Variants in MYH9 observed in about 807,000 individuals in gnomAD.
MYH9 encodes myosin-9.
MYH9 carries 29 observed loss-of-function variants against 241.9 expected under a neutral mutation model. The ratio of observed to expected loss-of-function variants is 0.12; its 90% CI spans 0.09 to 0.16. MYH9 has a LOEUF of 0.16. MYH9 is among the 10% of genes least tolerant of loss of function. The pLI is 1.00. For missense variants in MYH9, 1,803 were observed against 2,595.5 expected, an observed-to-expected ratio of 0.69 and a Z score of 6.63; for synonymous variants, 1,047 against 1,062.6, an observed-to-expected ratio of 0.99 and a Z score of 0.29.
chr22:36,324,144 C>A (rs1326298298), intron 5 of MYH9, among the ~76,000 whole-genome samples: 1 of 152,242 alleles, frequency 6.6e-6, no homozygotes, highest in Non-Finnish European at 1.5e-5. Context: ...CGAACTGAGG[C>A]CTCTGTTTGG....
chr22:36,300,330 A>G lies in MYH9; in HGVS notation c.2839-66T>C. ...AGGCATGGCCAAGGTGAAGGCAGCA[A>G]GGTCCGAAGGCCAGATCCAAACGCC... On this transcript the variant is annotated intron_variant, in intron 22 of 40. Transcript: ENST00000216181. This position sits in a 1 kb window ranked among gnomAD's most constrained non-coding sequence, Gnocchi z 5.0. 6.2e-7 allele frequency: 1 copy of G among 1,601,180 alleles called. No individual in the cohort carries two copies. Among genetic ancestry groups the G allele is most frequent in the Non-Finnish European group, 8.5e-7 (1 of 1,177,100 alleles).
At chr22:36,322,834 T>TA (rs1165308153) in intron 5 of MYH9, among the ~76,000 whole-genome samples, 19 of 152,332 alleles carry the variant, frequency 1.2e-4, no homozygotes, top group East Asian at 7.7e-4. Flanking sequence ...AAGCAGCACT[T>TA]AAACTAGGGA....
Position 36,288,945 on chromosome 22 carries a change from C to T in MYH9, c.4558-6G>A. The stretch of plus-strand genomic sequence containing the variant: ...GACTTCTCCAGCTCGTGGACCTGAG[C>T]CCCAGAGAGCCCAAGTCAGGAGCAA... On this transcript the variant is annotated splice_polypyrimidine_tract_variant and splice_region_variant and intron_variant, in intron 32 of 40. Coordinates refer to ENST00000216181, the MANE Select transcript of MYH9 (RefSeq NM_002473.6). This position sits in a 1 kb window ranked among gnomAD's most constrained non-coding sequence, Gnocchi z 4.8. The T allele has an allele frequency of 1.2e-6, 2 of 1,613,748 alleles. No individual in the cohort carries two copies. The highest frequency in any genetic ancestry group is 1.7e-6 in the Non-Finnish European group (2 of 1,180,034).
At chr22:36,325,790 C>T (rs988196418) in intron 5 of MYH9, among the ~76,000 whole-genome samples, 6 of 152,178 alleles carry the variant, frequency 3.9e-5, no homozygotes, top group East Asian at 1.9e-4. Context: ...GTGTGAGGCC[C>T]GTCCCCATTC....
intron 1 of MYH9, among the ~76,000 whole-genome samples, chr22:36,351,852 G>A (rs1375533253): frequency 6.6e-6 from 1 of 152,052 alleles, no homozygotes; most frequent in Non-Finnish European, 1.5e-5. Context: ...ACGCATCTGA[G>A]GACATCGGTG....
At chr22:36,354,956 A>ACACACAC (rs57801610) in intron 1 of MYH9, among the ~76,000 whole-genome samples, 3 of 123,638 alleles carry the variant, frequency 2.4e-5, no homozygotes, top group African/African-American at 9.2e-5. Flanking sequence ...CAAAAAACAA[A>ACACACAC]ACACACACAC....
In MYH9 at chr22:36,288,698, C is replaced by T. The variant is rs2016632009; in HGVS notation, c.4770+29G>A. The T allele has an allele frequency of 1.9e-6, 3 of 1,599,424 alleles. No homozygotes were observed. Among genetic ancestry groups the T allele is most frequent in the Non-Finnish European group, 2.5e-6 (3 of 1,179,390 alleles). On this transcript the variant is annotated intron_variant, in intron 33 of 40. Transcript: ENST00000216181. This position sits in a 1 kb window ranked among gnomAD's most constrained non-coding sequence, Gnocchi z 4.8. The stretch of plus-strand genomic sequence containing the variant: ...CGTGAAGCCAAGGCAGCCTTGGGCA[C>T]CCATGGGGTAGCAGGAGGCCATGCA...
chr22:36,285,754 A>G lies in MYH9; in HGVS notation c.5178T>C (p.Arg1726=), dbSNP rs758317854. The G allele has an allele frequency of 1.2e-6, 2 of 1,610,642 alleles. No individual in the cohort carries two copies. Among genetic ancestry groups the G allele is most frequent in the Non-Finnish European group, 1.7e-6 (2 of 1,178,846 alleles). The change falls in exon 37 of 41, where the codon CGT becomes CGC. Residue 1726 remains arginine, a synonymous_variant. Coordinates refer to ENST00000216181, the MANE Select transcript of MYH9 (RefSeq NM_002473.6). The surrounding 1 kb of genome is among the most constrained non-coding windows in gnomAD (Gnocchi z 7.0). ...CCAGCTGGGCGATGCGGGCCTCCAG[A>G]CGCCGCTTCTCCTCTAACGCCAGGG... ...KGALALEEKR[R]LEARIAQLEE... is the part of the protein sequence containing the mutation.
chr22:36,386,989 G>A (rs1603484855), intron 1 of MYH9, among the ~76,000 whole-genome samples: 1 of 152,264 alleles, frequency 6.6e-6, no homozygotes, highest in East Asian at 1.9e-4. Context: ...TGGCCCCTGG[G>A]TGCGGTGGAA....
chr22:36,301,281 A>G (rs2016872767), intron 21 of MYH9, among the ~76,000 whole-genome samples: 8 of 152,192 alleles, frequency 5.3e-5, no homozygotes, highest in Admixed American at 5.2e-4. Context: ...AAATGGGCTC[A>G]AGTCATGTGG....
In MYH9 at chr22:36,285,121, T is replaced by C; in HGVS notation, c.5483A>G (p.Lys1828Arg). The change falls in exon 38 of 41, where the codon AAG becomes AGG. Residue 1828 changes from lysine (K) to arginine (R), a missense_variant and splice_region_variant. Around this residue, in one of 11 missense-constraint regions of MYH9, gnomAD observed 876 missense variants for 1,077.8 expected, o/e 0.81. Coordinates refer to ENST00000216181, the MANE Select transcript of MYH9 (RefSeq NM_002473.6). This position sits in a 1 kb window ranked among gnomAD's most constrained non-coding sequence, Gnocchi z 7.0. Reference protein sequence around the residue: ...QLEEQLDNETKERQAACKQVR... With the variant: ...QLEEQLDNETRERQAACKQVR... The stretch of plus-strand genomic sequence containing the variant: ...GTTGGGCGGGGCCAGGGGCACGTAC[T>C]TGGTCTCGTTGTCCAGCTGCTCCTC... 2 of 1,613,796 alleles carry C rather than the reference T, an allele frequency of 1.2e-6. No individual in the cohort carries two copies. The highest frequency in any genetic ancestry group is 1.7e-6 in the Non-Finnish European group (2 of 1,179,992).
Position 36,372,494 on chromosome 22 carries a change from C to CAAAAA in MYH9, c.-20+15308_-20+15312dup, listed in dbSNP as rs57031494. On this transcript the variant is annotated intron_variant, in intron 1 of 40. Coordinates refer to ENST00000216181, the MANE Select transcript of MYH9 (RefSeq NM_002473.6). Reference sequence around the variant, plus strand: ...AAAGAAAGAGTGAGACCCTGTCTCTCAAAAAAAAAAAAAAAATGACAGGTA... The same window carrying CAAAAA: ...AAAGAAAGAGTGAGACCCTGTCTCTCAAAAAAAAAAAAAAAAAAAAATGACAGGTA... Among the ~76,000 whole-genome samples, 532 of 71,720 alleles carry CAAAAA rather than the reference C, an allele frequency of 7.4e-3. 6 individuals are homozygous for CAAAAA. The highest frequency in any genetic ancestry group is 0.024 in the African/African-American group (508 of 21,412). 47.1% of individuals were successfully genotyped at this position (71,720 alleles called of 152,430 possible).
chr22:36,384,403 T>C (rs897757331), intron 1 of MYH9, among the ~76,000 whole-genome samples: 27 of 148,128 alleles, frequency 1.8e-4, no homozygotes, highest in Admixed American at 1.3e-3. Context: ...GCCAACATGG[T>C]GAAACCTCAT....
chr22:36,372,397 G>A (rs773237385), intron 1 of MYH9, among the ~76,000 whole-genome samples: 4 of 151,614 alleles, frequency 2.6e-5, no homozygotes, highest in Non-Finnish European at 5.9e-5. Context: ...GCTGAGGTGG[G>A]AGGATCACTT....
In MYH9 at chr22:36,288,135, C is replaced by G. The variant is rs2016619592; in HGVS notation, c.4932+117G>C. The G allele has an allele frequency of 7.7e-7, 1 of 1,297,862 alleles. No individual in the cohort carries two copies. The highest frequency in any genetic ancestry group is 1.1e-6 in the Non-Finnish European group (1 of 913,040). 80.4% of individuals were successfully genotyped at this position (1,297,862 alleles called of 1,614,324 possible). On this transcript the variant is annotated intron_variant, in intron 34 of 40. Transcript: ENST00000216181. This position sits in a 1 kb window ranked among gnomAD's most constrained non-coding sequence, Gnocchi z 4.8. ...AGATGGGGCTGGAAGCACCCAGGAC[C>G]TTCCCAGGAGGTGCCACCCTGCCAG...
intron 1 of MYH9, among the ~76,000 whole-genome samples, chr22:36,378,588 C>T (rs1475698157): frequency 6.6e-6 from 1 of 152,100 alleles, no homozygotes; most frequent in Non-Finnish European, 1.5e-5. Flanking sequence ...ACCCTGCTGC[C>T]TGGCACCACC....
In MYH9 at chr22:36,332,984, C is replaced by T. The variant is rs113824782; in HGVS notation, c.491-5496G>A. ...CACCGGGACACTCCCAGTCCGGTTC[C>T]GCCTTGCTCCTACCTAACATTTCCC... On this transcript the variant is annotated intron_variant, in intron 3 of 40. Transcript: ENST00000216181. Among the ~76,000 whole-genome samples, 1,099 of 152,288 alleles carry T rather than the reference C, an allele frequency of 7.2e-3. 13 individuals carry two copies. The highest frequency in any genetic ancestry group is 0.025 in the African/African-American group (1,026 of 41,574).
intron 39 of MYH9, 28 bp from the exon 40 acceptor site, chr22:36,284,293 C>A (rs1407158289): frequency 6.2e-7 from 1 of 1,605,834 alleles, no homozygotes. Context: ...TGGCCCGTGG[C>A]CCCGGTTAGG....
intron 1 of MYH9, among the ~76,000 whole-genome samples, chr22:36,381,412 G>A (rs1196182102): frequency 6.6e-6 from 1 of 151,794 alleles, no homozygotes; most frequent in Non-Finnish European, 1.5e-5. Flanking sequence ...AGCTACTCAG[G>A]AGGCTGAGGC....
Sources: gnomAD v4.1 joint callset for allele counts (sites outside exome capture counted in the v4.1 genomes callset) on GRCh38, gnomAD v4.1.1 for gene constraint, gnomAD v4.1.1 regional missense constraint, Gnocchi (gnomAD v3.1) non-coding constraint, MANE v1.5 for transcripts, NCBI Gene and HGNC (gene_info 2026-07-23, HGNC 2026-07-21) for gene names.